Variants in GABRG2 observed in about 807,000 individuals in gnomAD.
GABRG2 encodes the protein gamma-aminobutyric acid type A receptor subunit gamma2, also known as gamma-aminobutyric acid receptor subunit gamma-2.
GABRG2 carries 16 observed loss-of-function variants against 56.4 expected under a neutral mutation model. That is an observed-to-expected ratio of 0.28 (90% CI 0.19 to 0.43). The LOEUF is 0.43. Among genes scored for constraint, GABRG2 ranks in the 20% least tolerant of loss-of-function variants. The pLI, the probability that GABRG2 is intolerant of heterozygous loss-of-function variation, is 1.00. For synonymous variants in GABRG2, 208 were observed against 205.5 expected, an observed-to-expected ratio of 1.01 and a Z score of -0.10; for missense variants, 327 against 582.7, an observed-to-expected ratio of 0.56 and a Z score of 4.52.
chr5:162,135,594 T>A (rs1227372802), intron 6 of GABRG2, among the ~76,000 whole-genome samples: 1 of 152,224 alleles, frequency 6.6e-6, no homozygotes, highest in Admixed American at 6.5e-5. Flanking sequence ...TTCACCATCA[T>A]ATATTTTTAT....
intron 1 of GABRG2, among the ~76,000 whole-genome samples, chr5:162,090,946 A>T (rs998276646): frequency 6.6e-6 from 1 of 152,162 alleles, no homozygotes; most frequent in African/African-American, 2.4e-5. Flanking sequence ...CTATCTGTGA[A>T]TGCAGAGGTT....
Position 162,152,938 on chromosome 5 carries a change from A to G in GABRG2, c.1153-155A>G, listed in dbSNP as rs1765478465. ...AAATCTGCAAATGTGCTATCTTTCT[A>G]AGTTCAATTTTACCATTGTAGATCA... On this transcript the variant is annotated intron_variant, in intron 9 of 9. Transcript: ENST00000639213. 6.8e-6 allele frequency: 6 copies of G among 885,880 alleles called. No homozygotes were observed. In the South Asian group the frequency reaches 8.9e-5, roughly 13 times the overall value. 54.9% of individuals were successfully genotyped at this position (885,880 alleles called of 1,614,324 possible). A position where few individuals can be genotyped will look rare whatever the true frequency, so the allele number is the denominator to read the frequency against.
chr5:162,074,939 G>C (rs1486557209), intron 1 of GABRG2, among the ~76,000 whole-genome samples: 1 of 152,060 alleles, frequency 6.6e-6, no homozygotes, highest in Non-Finnish European at 1.5e-5. Flanking sequence ...ATTTAAGAGT[G>C]AATTACCTGA....
intron 6 of GABRG2, among the ~76,000 whole-genome samples, chr5:162,127,596 G>A (rs1763432017): frequency 6.6e-6 from 1 of 151,858 alleles, no homozygotes; most frequent in Admixed American, 6.6e-5. Context: ...GAATTTGAGG[G>A]CTCTGGATAT....
At chr5:162,073,725 G>A (rs1367798045) in intron 1 of GABRG2, among the ~76,000 whole-genome samples, 1 of 151,852 alleles carries the variant, frequency 6.6e-6, no homozygotes, top group African/African-American at 2.4e-5. Flanking sequence ...AATTTCTAGA[G>A]TAATAAGAAG....
At chr5:162,085,675 C>T (rs1760036085) in intron 1 of GABRG2, among the ~76,000 whole-genome samples, 1 of 150,858 alleles carries the variant, frequency 6.6e-6, no homozygotes, top group Admixed American at 6.7e-5. Flanking sequence ...TTTCATCACA[C>T]AGGTATTAAG....
rs1209787755 is a variant in GABRG2, at chr5:162,089,011, C to T, written c.108-4817C>T. Among the ~76,000 whole-genome samples the T allele has an allele frequency of 2.6e-5, 4 of 152,172 alleles. No homozygotes were observed. In the South Asian group the frequency reaches 8.3e-4, roughly 32 times the overall value. Reference sequence around the variant, plus strand: ...TGAAGACAGACAATAGAGAAGTCAACAAATGCATATTGTGATAAATTCTAT... The same window carrying T: ...TGAAGACAGACAATAGAGAAGTCAATAAATGCATATTGTGATAAATTCTAT... On this transcript the variant is annotated intron_variant, in intron 1 of 9. Transcript: ENST00000639213.
At chr5:162,120,695 G>A (rs576855754) in intron 6 of GABRG2, among the ~76,000 whole-genome samples, 2 of 152,116 alleles carry the variant, frequency 1.3e-5, no homozygotes, top group East Asian at 3.9e-4. Context: ...GAAAATAAGT[G>A]TTCAATTTCT....
At chr5:162,144,674 A>G (rs1445530236) in intron 7 of GABRG2, among the ~76,000 whole-genome samples, 2 of 152,194 alleles carry the variant, frequency 1.3e-5, no homozygotes, top group Non-Finnish European at 2.9e-5. Context: ...GACATCCACA[A>G]AGTCACAGCA....
At chr5:162,131,671 AATATTT>A (rs1769862145) in intron 6 of GABRG2, among the ~76,000 whole-genome samples, 1 of 152,024 alleles carries the variant, frequency 6.6e-6, no homozygotes, top group East Asian at 1.9e-4. Context: ...ATATAGAATA[AATATTT>A]ATAAAGACTT....
At chr5:162,068,270 A>T (rs767240859) in intron 1 of GABRG2, among the ~76,000 whole-genome samples, 164 bp downstream of exon 1, 28 of 152,138 alleles carry the variant, frequency 1.8e-4, no homozygotes, top group Non-Finnish European at 2.9e-4. Flanking sequence ...GGAGGGAGGA[A>T]AGTGGAAGGT....
intron 1 of GABRG2, among the ~76,000 whole-genome samples, chr5:162,078,676 A>G (rs962090288): frequency 7.9e-5 from 12 of 151,512 alleles, no homozygotes; most frequent in African/African-American, 2.9e-4. Flanking sequence ...AAATGCTGGG[A>G]TTACAGGTAT....
chr5:162,142,413 C>A, intron 7 of GABRG2, 97 bp downstream of exon 7: 2 of 1,233,046 alleles, frequency 1.6e-6, no homozygotes. Flanking sequence ...TTAAATTTAG[C>A]CTGCAATTGC....
chr5:162,094,297 C>T (rs1760838495), intron 2 of GABRG2: 1 of 356,842 alleles, frequency 2.8e-6, no homozygotes. Flanking sequence ...ACAAATCAAA[C>T]AAGACAATAA....
chr5:162,152,596 T>C (rs2113648095), intron 9 of GABRG2: 1 of 242,396 alleles, frequency 4.1e-6, no homozygotes, highest in East Asian at 1.1e-4. Flanking sequence ...AAATTCTGTA[T>C]TTATATATAT....
chr5:162,086,895 G>A lies in GABRG2; in HGVS notation c.108-6933G>A, dbSNP rs539352915. Among the ~76,000 whole-genome samples the A allele has an allele frequency of 9.3e-4, 141 of 151,980 alleles. 2 individuals carry two copies. Among genetic ancestry groups the A allele is most frequent in the Middle Eastern group, 6.8e-3 (2 of 294 alleles). On this transcript the variant is annotated intron_variant, in intron 1 of 9. Coordinates refer to ENST00000639213, the MANE Select transcript of GABRG2 (RefSeq NM_198904.4). ...CCTGTATGTGACAAATAATGCAACC[G>A]TGTACTTTCTTGTACATGTCTTTAA...
At position 162,154,768 on chromosome 5, in the gene GABRG2, C is replaced by T. The variant is rs539929585; in HGVS notation, c.*1400C>T. On this transcript the variant is annotated 3_prime_UTR_variant, in exon 10 of 10. Coordinates refer to ENST00000639213, the MANE Select transcript of GABRG2 (RefSeq NM_198904.4). ...AGGAATAAGCAAAATTCATACCTGA[C>T]TAGTGTTCAGAATGTAGCATTCTGT... 1 of 151,820 alleles carries T rather than the reference C, an allele frequency of 6.6e-6. No homozygotes were observed. Among genetic ancestry groups the T allele is most frequent in the Admixed American group, 6.6e-5 (1 of 15,214 alleles). 9.4% of individuals were successfully genotyped at this position (151,820 alleles called of 1,614,324 possible). A position where few individuals can be genotyped will look rare whatever the true frequency, so the allele number is the denominator to read the frequency against.
intron 1 of GABRG2, among the ~76,000 whole-genome samples, chr5:162,090,519 A>G (rs969330510): frequency 5.9e-5 from 9 of 152,022 alleles, no homozygotes; most frequent in South Asian, 2.1e-4. Context: ...CTCCCATGCA[A>G]TGTTGCTGCT....
intron 1 of GABRG2, among the ~76,000 whole-genome samples, chr5:162,079,909 A>C (rs549336844): frequency 1.3e-4 from 20 of 152,120 alleles, no homozygotes; most frequent in Non-Finnish European, 2.4e-4. Flanking sequence ...CCTCCTGAGT[A>C]GCTGAGATTA....
Sources: gnomAD v4.1 joint callset for allele counts (sites outside exome capture counted in the v4.1 genomes callset) on GRCh38, gnomAD v4.1.1 for gene constraint, MANE v1.5 for transcripts, NCBI Gene and HGNC (gene_info 2026-07-23, HGNC 2026-07-21) for gene names.